The following MLN variants were observed in gnomAD, a reference collection of about 807,000 sequenced individuals.
The protein encoded by MLN is motilin.
Under a neutral mutation model 13.3 loss-of-function variants are expected in MLN, and 14 were observed. That is an observed-to-expected ratio of 1.05 (90% CI 0.69 to 1.64). The LOEUF (loss-of-function observed/expected upper bound fraction) is 1.64, where lower values mean the gene tolerates loss of function less well. MLN is among the 40% of genes most tolerant of loss of function. The probability of loss-of-function intolerance (pLI) is 0.00; values close to 1 mark genes in which losing one functional copy is unlikely to be tolerated. For synonymous variants in MLN, 59 were observed against 54.7 expected, an observed-to-expected ratio of 1.08 and a Z score of -0.34; for missense variants, 122 against 142.9, an observed-to-expected ratio of 0.85 and a Z score of 0.75.
Position 33,799,039 on chromosome 6 carries a change from C to T in MLN, c.234+66G>A. The T allele has an allele frequency of 8.5e-7, 1 of 1,179,062 alleles. No homozygotes were observed. Among genetic ancestry groups the T allele is most frequent in the Non-Finnish European group, 1.2e-6 (1 of 804,014 alleles). 73.0% of individuals were successfully genotyped at this position (1,179,062 alleles called of 1,614,324 possible). A position where few individuals can be genotyped will look rare whatever the true frequency, so the allele number is the denominator to read the frequency against. On this transcript the variant is annotated intron_variant, in intron 3 of 4. Coordinates refer to ENST00000430124, the MANE Select transcript of MLN (RefSeq NM_002418.3). This position sits in a 1 kb window ranked among gnomAD's most constrained non-coding sequence, Gnocchi z 4.6. ...CACTGTGGCTTGTGGGCTCTGCCTC[C>T]AGGCCAGGCAGGGGAATGCATGCCC...
At chr6:33,802,913 A>G (rs887473316) in intron 1 of MLN, among the ~76,000 whole-genome samples, 6 of 152,090 alleles carry the variant, frequency 3.9e-5, no homozygotes, top group African/African-American at 1.4e-4. Flanking sequence ...TGTCACATTT[A>G]TGGCATCCCA....
At position 33,794,802 on chromosome 6, in the gene MLN, C is replaced by T. The variant is rs2127386409; in HGVS notation, c.*23G>A. ...GGCAGGAGGGGCCTCCCAAATCTGT[C>T]CACCTTCTCCCCAGCGTGGCCATCA... On this transcript the variant is annotated 3_prime_UTR_variant, in exon 5 of 5. Transcript: ENST00000430124. The T allele has an allele frequency of 6.2e-7, 1 of 1,613,374 alleles. No individual in the cohort carries two copies. Among genetic ancestry groups the T allele is most frequent in the Non-Finnish European group, 8.5e-7 (1 of 1,179,620 alleles).
intron 3 of MLN, among the ~76,000 whole-genome samples, chr6:33,798,111 C>T (rs1165266683): frequency 2.0e-5 from 3 of 152,198 alleles, no homozygotes; most frequent in East Asian, 3.9e-4. Flanking sequence ...CACCTGCTGT[C>T]GCCCACTGAG....
At chr6:33,798,080 T>C (rs1350000878) in intron 3 of MLN, among the ~76,000 whole-genome samples, 1 of 152,202 alleles carries the variant, frequency 6.6e-6, no homozygotes, top group Non-Finnish European at 1.5e-5. Context: ...CTGGTCTTTG[T>C]GCTGCTACCG....
intron 2 of MLN, among the ~76,000 whole-genome samples, chr6:33,800,407 T>C (rs1217134312): frequency 6.6e-5 from 10 of 152,230 alleles, no homozygotes; most frequent in African/African-American, 2.4e-4. Flanking sequence ...TGCCTTTTTT[T>C]CTTCTGGGCC....
Position 33,794,767 on chromosome 6 carries a change from G to A in MLN, c.*58C>T. 6.2e-7 allele frequency: 1 copy of A among 1,603,248 alleles called. No homozygotes were observed. The highest frequency in any genetic ancestry group is 8.5e-7 in the Non-Finnish European group (1 of 1,174,244). The stretch of plus-strand genomic sequence containing the variant: ...CTGGCAGGCTCTGTAAATTCCCAGG[G>A]CCTCACTTGGGCAGGAGGGGCCTCC... On this transcript the variant is annotated 3_prime_UTR_variant, in exon 5 of 5. Transcript: ENST00000430124.
intron 4 of MLN, 124 bp downstream of exon 4, chr6:33,795,379 G>C (rs903284834): frequency 5.4e-6 from 4 of 739,088 alleles, no homozygotes; most frequent in South Asian, 5.1e-5. Context: ...GGGAGAAGAC[G>C]GCTCCACATT....
chr6:33,801,768 G>T (rs1760834845), intron 1 of MLN, among the ~76,000 whole-genome samples: 1 of 152,244 alleles, frequency 6.6e-6, no homozygotes, highest in Non-Finnish European at 1.5e-5. Flanking sequence ...CCCCGTTGGG[G>T]GAGCGATGGC....
Position 33,799,270 on chromosome 6 carries a change from G to C in MLN, c.118-49C>G, listed in dbSNP as rs780202334. On this transcript the variant is annotated intron_variant, in intron 2 of 4. Coordinates refer to ENST00000430124, the MANE Select transcript of MLN (RefSeq NM_002418.3). The surrounding 1 kb of genome is among the most constrained non-coding windows in gnomAD (Gnocchi z 4.6). Reference sequence around the variant, plus strand: ...ACAAAACCGCCCTCCCTCAACCCACGCTGATGGCCCCTTGCCTGTCTCCAT... The same window carrying C: ...ACAAAACCGCCCTCCCTCAACCCACCCTGATGGCCCCTTGCCTGTCTCCAT... 2.2e-6 allele frequency: 3 copies of C among 1,348,378 alleles called. No homozygotes were observed. The highest frequency in any genetic ancestry group is 3.2e-6 in the Non-Finnish European group (3 of 944,190). 83.5% of individuals were successfully genotyped at this position (1,348,378 alleles called of 1,614,324 possible). A position where few individuals can be genotyped will look rare whatever the true frequency, so the allele number is the denominator to read the frequency against.
chr6:33,794,839 G>A lies in MLN; in HGVS notation c.338-4C>T, dbSNP rs1360225454. The A allele has an allele frequency of 3.7e-6, 6 of 1,613,604 alleles. No individual in the cohort carries two copies. The highest frequency in any genetic ancestry group is 1.7e-6 in the Non-Finnish European group (2 of 1,179,740). On this transcript the variant is annotated splice_polypyrimidine_tract_variant and splice_region_variant and intron_variant, in intron 4 of 4. Coordinates refer to ENST00000430124, the MANE Select transcript of MLN (RefSeq NM_002418.3). ...CAGCGTGGCCATCACTTGGCTGCTG[G>A]AGAAAAGCAGAGGTTTGCGCTCAGT...
chr6:33,801,995 G>A (rs1486184104), intron 1 of MLN, among the ~76,000 whole-genome samples: 3 of 152,182 alleles, frequency 2.0e-5, no homozygotes, highest in Non-Finnish European at 4.4e-5. Context: ...CATGGTGACT[G>A]CAGGGGTGCA....
intron 1 of MLN, among the ~76,000 whole-genome samples, chr6:33,802,181 C>T (rs1259451225): frequency 4.6e-5 from 7 of 152,172 alleles, no homozygotes; most frequent in Admixed American, 3.9e-4. Context: ...CTCTACGTTG[C>T]CTCTGCCCAT....
At chr6:33,796,029 G>C (rs865925208) in intron 3 of MLN, among the ~76,000 whole-genome samples, 1 of 147,036 alleles carries the variant, frequency 6.8e-6, no homozygotes, top group Non-Finnish European at 1.5e-5. Flanking sequence ...GCGCGATCTC[G>C]GCTCACTGCA....
chr6:33,803,322 T>G lies in MLN; in HGVS notation c.-8+631A>C, dbSNP rs561850915. Among the ~76,000 whole-genome samples the G allele has an allele frequency of 2.0e-5, 3 of 150,578 alleles. No homozygotes were observed. Among genetic ancestry groups the G allele is most frequent in the African/African-American group, 7.3e-5 (3 of 41,016 alleles). Reference sequence around the variant, plus strand: ...TTCTTTTCTTCTTTTTTTTTTTTTTTTCTGAGATGGAGTCTCGCTCTGTCT... The same window carrying G: ...TTCTTTTCTTCTTTTTTTTTTTTTTGTCTGAGATGGAGTCTCGCTCTGTCT... On this transcript the variant is annotated intron_variant, in intron 1 of 4. Coordinates refer to ENST00000430124, the MANE Select transcript of MLN (RefSeq NM_002418.3). The surrounding 1 kb of genome is among the most constrained non-coding windows in gnomAD (Gnocchi z 4.5).
intron 3 of MLN, among the ~76,000 whole-genome samples, chr6:33,795,930 A>C (rs1767907004): frequency 6.6e-6 from 1 of 151,190 alleles, no homozygotes; most frequent in Non-Finnish European, 1.5e-5. Context: ...ATTATAGCCA[A>C]CATTGTGGAG....
At chr6:33,798,665 G>A (rs1008253732) in intron 3 of MLN, among the ~76,000 whole-genome samples, 3 of 152,150 alleles carry the variant, frequency 2.0e-5, no homozygotes, top group African/African-American at 4.8e-5. Context: ...CTGACCTCTC[G>A]CCCACTCGAC....
chr6:33,798,741 T>C (rs542459112), intron 3 of MLN, among the ~76,000 whole-genome samples: 1 of 152,312 alleles, frequency 6.6e-6, no homozygotes, highest in African/African-American at 2.4e-5. Flanking sequence ...CTGTTCCTTC[T>C]CCCGGGAGGC....
At chr6:33,797,717 TTC>T (rs1305505327) in intron 3 of MLN, among the ~76,000 whole-genome samples, 5 of 152,144 alleles carry the variant, frequency 3.3e-5, no homozygotes, top group Non-Finnish European at 7.3e-5. Context: ...CTCTCTCTTT[TTC>T]TCTGTCTCTC....
chr6:33,794,773 C>T lies in MLN; in HGVS notation c.*52G>A. The T allele has an allele frequency of 6.2e-7, 1 of 1,608,864 alleles. No homozygotes were observed. Among genetic ancestry groups the T allele is most frequent in the Non-Finnish European group, 8.5e-7 (1 of 1,177,782 alleles). ...GGCTCTGTAAATTCCCAGGGCCTCACTTGGGCAGGAGGGGCCTCCCAAATC... is the reference window on the plus strand; with the variant it reads ...GGCTCTGTAAATTCCCAGGGCCTCATTTGGGCAGGAGGGGCCTCCCAAATC... On this transcript the variant is annotated 3_prime_UTR_variant, in exon 5 of 5. Coordinates refer to ENST00000430124, the MANE Select transcript of MLN (RefSeq NM_002418.3).
Sources: gnomAD v4.1 joint callset for allele counts (sites outside exome capture counted in the v4.1 genomes callset) on GRCh38, gnomAD v4.1.1 for gene constraint, Gnocchi (gnomAD v3.1) non-coding constraint, MANE v1.5 for transcripts, NCBI Gene and HGNC (gene_info 2026-07-23, HGNC 2026-07-21) for gene names.